CALD1: variants seen among roughly 807,000 people sequenced by gnomAD.
The protein encoded by CALD1 is caldesmon 1.
In CALD1, 33 loss-of-function variants were observed where a neutral mutation model predicts 99.9. That is an observed-to-expected ratio of 0.33 (90% CI 0.25 to 0.44). The LOEUF is 0.44. Ranked by LOEUF, CALD1 falls within the 20% of genes least tolerant of loss-of-function variation. The pLI, the probability that CALD1 is intolerant of heterozygous loss-of-function variation, is 1.00. For missense variants in CALD1, 861 were observed against 962.1 expected (o/e 0.89, Z 1.39); for synonymous variants, 310 against 325.0 (o/e 0.95, Z 0.50).
At chr7:134,723,688 G>A in the CALD1 span, among the ~76,000 whole-genome samples, 2 of 152,022 alleles carry the variant, frequency 1.3e-5, no homozygotes, top group Non-Finnish European at 2.9e-5. Flanking sequence ...ATTTCTGACT[G>A]TCACAATTTT....
chr7:134,862,661 G>A (rs910819198), intron 2 of CALD1, among the ~76,000 whole-genome samples: 3 of 152,112 alleles, frequency 2.0e-5, no homozygotes, highest in Non-Finnish European at 2.9e-5. Context: ...CATGACATTC[G>A]GTATTTGGTG....
At chr7:134,929,651 T>TACACACAC (rs373723484) in intron 4 of CALD1, among the ~76,000 whole-genome samples, 1 of 3,036 alleles carries the variant, frequency 3.3e-4, no homozygotes, top group African/African-American at 8.6e-4. Flanking sequence ...TGTGTGTATA[T>TACACACAC]ATATATATAT....
intron 9 of CALD1, among the ~76,000 whole-genome samples, 198 bp downstream of exon 9, chr7:134,950,712 T>A (rs1188762017): frequency 1.3e-5 from 2 of 152,140 alleles, no homozygotes; most frequent in Non-Finnish European, 2.9e-5. Flanking sequence ...TCCCAGCACT[T>A]TGGGAGGCAG....
At chr7:134,867,376 C>T (rs915411160) in intron 2 of CALD1, among the ~76,000 whole-genome samples, 2 of 152,134 alleles carry the variant, frequency 1.3e-5, no homozygotes, top group African/African-American at 4.8e-5. Flanking sequence ...CAGAAAGTTA[C>T]AAAGAGCAAA....
chr7:134,755,999 T>C (rs758992177), intron 1 of CALD1, among the ~76,000 whole-genome samples: 10 of 152,158 alleles, frequency 6.6e-5, no homozygotes, highest in Non-Finnish European at 1.5e-4. Flanking sequence ...AATTATTGAA[T>C]AGACATCCAA....
intron 3 of CALD1, among the ~76,000 whole-genome samples, chr7:134,908,393 G>T (rs1442153843): frequency 6.6e-6 from 1 of 152,152 alleles, no homozygotes; most frequent in Non-Finnish European, 1.5e-5. Context: ...ATAGTGATGA[G>T]TTGCTCATCT....
Position 134,933,281 on chromosome 7 carries a change from C to A in CALD1, c.512C>A (p.Ser171Tyr), listed in dbSNP as rs114442219. ...GAGGAAACAGAAACAGTCACCAAGT[C>A]CTACCAGAAGAATGATTGGAGGGAT... ...EIEETETVTK[S>Y]YQKNDWRDAE... Residue 171 changes from serine (S) to tyrosine (Y), a missense_variant, in exon 5 of 15, where the codon TCC becomes TAC. Ser to Tyr is a moderately radical substitution (Grantham distance 144). Coordinates refer to ENST00000361675, the MANE Select transcript of CALD1 (RefSeq NM_033138.4). 6 of 1,595,474 alleles carry A rather than the reference C, an allele frequency of 3.8e-6. No individual in the cohort carries two copies. The East Asian group carries it at 1.1e-4, about 30-fold the overall frequency.
At chr7:134,935,466 T>C (rs1020744073) in intron 5 of CALD1, among the ~76,000 whole-genome samples, 1 of 152,130 alleles carries the variant, frequency 6.6e-6, no homozygotes, top group African/African-American at 2.4e-5. Context: ...CACATCATGC[T>C]AGATTTCAGT....
At chr7:134,728,554 C>G in the CALD1 span, among the ~76,000 whole-genome samples, 1 of 152,100 alleles carries the variant, frequency 6.6e-6, no homozygotes, top group Non-Finnish European at 1.5e-5. Flanking sequence ...ACATTTAGGC[C>G]GAACTTAAAA....
chr7:134,743,152 C>A (rs1380603819), upstream of CALD1, among the ~76,000 whole-genome samples: 1 of 152,192 alleles, frequency 6.6e-6, no homozygotes, highest in Non-Finnish European at 1.5e-5. Context: ...GCTTTAAGTG[C>A]AGTTGGCGGA....
At chr7:134,958,022 A>G in intron 9 of CALD1, 47 bp from the exon 10 acceptor site, 1 of 1,398,522 alleles carries the variant, frequency 7.2e-7, no homozygotes, top group Non-Finnish European at 1.0e-6. Flanking sequence ...AACACTGTTT[A>G]TAAGCTTGAA....
intron 1 of CALD1, among the ~76,000 whole-genome samples, chr7:134,805,445 A>C (rs77023889): frequency 0.01 from 1,595 of 152,132 alleles, 21 homozygotes; most frequent in African/African-American, 0.036. Context: ...TCTTTTTATA[A>C]CATCCTGATC....
At chr7:134,952,069 G>A (rs1451395208) in intron 9 of CALD1, among the ~76,000 whole-genome samples, 1 of 152,134 alleles carries the variant, frequency 6.6e-6, no homozygotes, top group Non-Finnish European at 1.5e-5. Context: ...GGGAGGCCGA[G>A]GTGGATGGAT....
chr7:134,798,943 A>G (rs577670112), intron 1 of CALD1, among the ~76,000 whole-genome samples: 4 of 152,320 alleles, frequency 2.6e-5, no homozygotes, highest in Non-Finnish European at 2.9e-5. Flanking sequence ...ACGTTCCCTC[A>G]GAAGTCTTGT....
chr7:134,764,391 A>G (rs933943175), intron 1 of CALD1, among the ~76,000 whole-genome samples: 1 of 152,208 alleles, frequency 6.6e-6, no homozygotes, highest in African/African-American at 2.4e-5. Context: ...AAAGAGAAAT[A>G]TAGGTAGGGA....
chr7:134,774,972 A>G (rs1796905630), upstream of CALD1, among the ~76,000 whole-genome samples: 1 of 152,124 alleles, frequency 6.6e-6, no homozygotes, highest in Non-Finnish European at 1.5e-5. Context: ...CCATATCCTC[A>G]AATTTATTAG....
At chr7:134,913,292 T>C (rs1803957360) in intron 3 of CALD1, among the ~76,000 whole-genome samples, 2 of 152,092 alleles carry the variant, frequency 1.3e-5, no homozygotes, top group Non-Finnish European at 2.9e-5. Context: ...AATTAGGCTA[T>C]GACTGTCATT....
chr7:134,850,570 A>C (rs149234007), intron 2 of CALD1, among the ~76,000 whole-genome samples: 136 of 152,334 alleles, frequency 8.9e-4, no homozygotes, highest in Middle Eastern at 3.4e-3. Flanking sequence ...TAAGTGCTAC[A>C]TAACTGTTGT....
intron 9 of CALD1, among the ~76,000 whole-genome samples, chr7:134,952,873 TTAAAC>T (rs1158053361): frequency 6.6e-6 from 1 of 152,188 alleles, no homozygotes; most frequent in Non-Finnish European, 1.5e-5. Context: ...CAGGGAAAAT[TTAAAC>T]TAAGCCACAG....
Sources: gnomAD v4.1 joint callset for allele counts (sites outside exome capture counted in the v4.1 genomes callset) on GRCh38, gnomAD v4.1.1 for gene constraint, MANE v1.5 for transcripts, NCBI Gene and HGNC (gene_info 2026-07-23, HGNC 2026-07-21) for gene names.